The following TRIM44 variants were observed in gnomAD, a reference collection of about 807,000 sequenced individuals.
TRIM44 encodes the protein tripartite motif containing 44, also known as tripartite motif-containing protein 44.
A neutral mutation model predicts 37.4 loss-of-function variants in TRIM44; 13 were observed. The ratio of observed to expected loss-of-function variants is 0.35; its 90% CI spans 0.23 to 0.55. The LOEUF is 0.55. TRIM44 is among the 20% of genes least tolerant of loss of function. The pLI is 0.89. For missense variants in TRIM44, 426 were observed against 437.2 expected, an observed-to-expected ratio of 0.97 and a Z score of 0.23; for synonymous variants, 175 against 157.2, an observed-to-expected ratio of 1.11 and a Z score of -0.85.
intron 4 of TRIM44, among the ~76,000 whole-genome samples, chr11:35,781,081 C>T (rs931344718): frequency 6.6e-6 from 1 of 152,188 alleles, no homozygotes; most frequent in South Asian, 2.1e-4. Flanking sequence ...GGAGAAGAAG[C>T]TACTATAGCT....
At chr11:35,747,578 G>A (rs1852506711) in intron 4 of TRIM44, among the ~76,000 whole-genome samples, 1 of 152,162 alleles carries the variant, frequency 6.6e-6, no homozygotes, top group South Asian at 2.1e-4. Flanking sequence ...AGCCAACAGG[G>A]ATTTGGTACT....
chr11:35,715,474 A>G (rs1590535990), intron 2 of TRIM44, among the ~76,000 whole-genome samples: 2 of 151,916 alleles, frequency 1.3e-5, no homozygotes, highest in African/African-American at 2.4e-5. Context: ...ATTTATGACT[A>G]TATGGAGGAG....
At chr11:35,781,236 C>T (rs893560476) in intron 4 of TRIM44, among the ~76,000 whole-genome samples, 4 of 151,894 alleles carry the variant, frequency 2.6e-5, no homozygotes, top group African/African-American at 9.7e-5. Context: ...GACCACTTCA[C>T]GTTTTAGCCT....
intron 2 of TRIM44, among the ~76,000 whole-genome samples, chr11:35,711,607 T>A (rs1370005480): frequency 2.0e-5 from 3 of 151,768 alleles, no homozygotes; most frequent in East Asian, 3.9e-4. Flanking sequence ...TAAAAAAAAA[T>A]TAGCCAGGCA....
intron 4 of TRIM44, among the ~76,000 whole-genome samples, chr11:35,786,723 A>G (rs1432950822): frequency 6.6e-6 from 1 of 152,228 alleles, no homozygotes; most frequent in Non-Finnish European, 1.5e-5. Flanking sequence ...GATACCTATT[A>G]TAATGCATAC....
At chr11:35,678,699 C>T (rs1257702114) in intron 1 of TRIM44, among the ~76,000 whole-genome samples, 1 of 151,998 alleles carries the variant, frequency 6.6e-6, no homozygotes. Flanking sequence ...ACCTCCACCT[C>T]CTGGGTTCAG....
intron 2 of TRIM44, among the ~76,000 whole-genome samples, chr11:35,706,372 A>G (rs971017439): frequency 2.9e-4 from 44 of 152,196 alleles, no homozygotes; most frequent in African/African-American, 1.1e-3. Context: ...AAACTATTCC[A>G]ATCAATAGAA....
chr11:35,776,166 A>G (rs1309657850), intron 4 of TRIM44, among the ~76,000 whole-genome samples: 1 of 152,150 alleles, frequency 6.6e-6, no homozygotes, highest in Non-Finnish European at 1.5e-5. Flanking sequence ...TGGTCTATTC[A>G]GGGATTCAAC....
In TRIM44 at chr11:35,662,879, C is replaced by T; in HGVS notation, c.-233C>T. On this transcript the variant is annotated 5_prime_UTR_variant, in exon 1 of 5. Transcript: ENST00000299413. Reference sequence around the variant, plus strand: ...GCCGCGCCGGAAGTGCCTTGCGCGGCAGAGGAAGCGCAGGGACAGAGCGGA... The same window carrying T: ...GCCGCGCCGGAAGTGCCTTGCGCGGTAGAGGAAGCGCAGGGACAGAGCGGA... 1.7e-6 allele frequency: 1 copy of T among 578,508 alleles called. No homozygotes were observed. The highest frequency in any genetic ancestry group is 8.8e-5 in the South Asian group (1 of 11,412). 35.8% of individuals were successfully genotyped at this position (578,508 alleles called of 1,614,324 possible).
intron 4 of TRIM44, among the ~76,000 whole-genome samples, chr11:35,756,936 A>T (rs1852651718): frequency 6.6e-6 from 1 of 152,156 alleles, no homozygotes; most frequent in African/African-American, 2.4e-5. Flanking sequence ...TTTGGCGTCG[A>T]TGTTCATCAG....
rs558250913 is a variant in TRIM44 at position 35,733,652 on chromosome 11, C to T, written c.988-1774C>T. Among the ~76,000 whole-genome samples the T allele has an allele frequency of 1.3e-4, 20 of 152,164 alleles. No individual in the cohort carries two copies. The East Asian group carries it at 2.9e-3, about 22-fold the overall frequency. On this transcript the variant is annotated intron_variant, in intron 3 of 4. Coordinates refer to ENST00000299413, the MANE Select transcript of TRIM44 (RefSeq NM_017583.6). ...GTCTGCCAAAAATGCCCTTCTTATT[C>T]GACCTCAAATGGCTAGTTTGATTTA...
rs1217770265 is a variant in TRIM44, at chr11:35,807,959, G to A, written c.*1574G>A. 6.6e-6 allele frequency: 1 copy of A among 152,186 alleles called. No individual in the cohort carries two copies. The highest frequency in any genetic ancestry group is 2.4e-5 in the African/African-American group (1 of 41,444). 9.4% of individuals were successfully genotyped at this position (152,186 alleles called of 1,614,324 possible). On this transcript the variant is annotated 3_prime_UTR_variant, in exon 5 of 5. Coordinates refer to ENST00000299413, the MANE Select transcript of TRIM44 (RefSeq NM_017583.6). ...CCTTTTCCTGCCTGCCTGTCTGCCT[G>A]TGACCTGTGTACGTATTACAGGCTT... is the stretch of plus-strand genomic sequence containing the variant.
intron 2 of TRIM44, among the ~76,000 whole-genome samples, chr11:35,707,769 G>A (rs1457679259): frequency 2.2e-5 from 3 of 139,444 alleles, no homozygotes; most frequent in East Asian, 2.0e-4. Flanking sequence ...AATTCAAGAT[G>A]GATTAAAGAC....
intron 4 of TRIM44, among the ~76,000 whole-genome samples, chr11:35,759,190 T>G (rs1476832542): frequency 6.6e-6 from 1 of 152,220 alleles, no homozygotes; most frequent in Non-Finnish European, 1.5e-5. Flanking sequence ...TTGGAGGCTT[T>G]GTTGGTTTCT....
chr11:35,793,717 G>A (rs1007855766), intron 4 of TRIM44, among the ~76,000 whole-genome samples: 1 of 152,116 alleles, frequency 6.6e-6, no homozygotes, highest in Non-Finnish European at 1.5e-5. Context: ...AATGCAGCCA[G>A]CTGATGTCAC....
intron 4 of TRIM44, among the ~76,000 whole-genome samples, chr11:35,755,459 G>T (rs1421816570): frequency 1.3e-5 from 2 of 152,028 alleles, no homozygotes; most frequent in African/African-American, 4.8e-5. Flanking sequence ...TAGGTTGCCT[G>T]TTCACTCTGA....
At chr11:35,696,714 G>A (rs1851703912) in intron 2 of TRIM44, among the ~76,000 whole-genome samples, 1 of 151,706 alleles carries the variant, frequency 6.6e-6, no homozygotes, top group Non-Finnish European at 1.5e-5. Flanking sequence ...GGGCATCATG[G>A]TGCATGCCTG....
chr11:35,666,759 T>C (rs1851337298), intron 1 of TRIM44, among the ~76,000 whole-genome samples: 3 of 152,174 alleles, frequency 2.0e-5, no homozygotes, highest in African/African-American at 7.2e-5. Context: ...ACCCTATCTC[T>C]AAAATAAAAA....
chr11:35,674,177 A>G lies in TRIM44; in HGVS notation c.669+10397A>G, dbSNP rs533708332. Among the ~76,000 whole-genome samples the G allele has an allele frequency of 9.2e-5, 14 of 152,018 alleles. No homozygotes were observed. In the South Asian group the frequency reaches 2.9e-3, roughly 32 times the overall value. ...ATGAGAATGGGGTAAGAAATGCAGA[A>G]GGCTGGCTCTGGGAGAGTTGAATCT... is the stretch of plus-strand genomic sequence containing the variant. On this transcript the variant is annotated intron_variant, in intron 1 of 4. Transcript: ENST00000299413.
Sources: gnomAD v4.1 joint callset for allele counts (sites outside exome capture counted in the v4.1 genomes callset) on GRCh38, gnomAD v4.1.1 for gene constraint, MANE v1.5 for transcripts, NCBI Gene and HGNC (gene_info 2026-07-23, HGNC 2026-07-21) for gene names.